TAFA4: variants seen among roughly 807,000 people sequenced by gnomAD.
The protein encoded by TAFA4 is TAFA chemokine like family member 4, also known as chemokine-like protein TAFA-4.
In TAFA4, 20 loss-of-function variants were observed where a neutral mutation model predicts 21.1. That is an observed-to-expected ratio of 0.95 (90% CI 0.67 to 1.38). The LOEUF is 1.38. Among genes scored for constraint, TAFA4 ranks in the 40% most tolerant of loss-of-function variants. The pLI, the probability that TAFA4 is intolerant of heterozygous loss-of-function variation, is 0.00. For synonymous variants in TAFA4, 71 were observed against 67.4 expected (o/e 1.05, Z -0.26); for missense variants, 211 against 180.9 (o/e 1.17, Z -0.95).
intron 3 of TAFA4, among the ~76,000 whole-genome samples, chr3:68,815,145 T>C (rs1223714100): frequency 2.6e-5 from 4 of 152,220 alleles, no homozygotes; most frequent in South Asian, 2.1e-4. Context: ...CTTCCTTACA[T>C]CTTATATAAA....
chr3:68,873,359 C>CACACACACACACACACAT (rs2089509693), intron 3 of TAFA4, among the ~76,000 whole-genome samples: 1 of 144,852 alleles, frequency 6.9e-6, no homozygotes, highest in African/African-American at 2.5e-5. Context: ...CACACACACA[C>CACACACACACACACACAT]ACACACACAC....
chr3:68,929,236 G>A (rs535822119), intron 1 of TAFA4, among the ~76,000 whole-genome samples: 1 of 152,260 alleles, frequency 6.6e-6, no homozygotes, highest in South Asian at 2.1e-4. Flanking sequence ...CGAAGTCAGG[G>A]CTGTCTAGGT....
At chr3:68,897,435 G>A (rs1257139620) in intron 1 of TAFA4, among the ~76,000 whole-genome samples, 2 of 152,022 alleles carry the variant, frequency 1.3e-5, no homozygotes, top group East Asian at 3.9e-4. Flanking sequence ...AGACCAGTCT[G>A]ACCAACATGG....
chr3:68,819,286 A>C (rs1704060802), intron 3 of TAFA4, among the ~76,000 whole-genome samples: 1 of 151,290 alleles, frequency 6.6e-6, no homozygotes, highest in Admixed American at 6.6e-5. Flanking sequence ...AAAAAAAAAA[A>C]AAAAAAAAAA....
intron 3 of TAFA4, among the ~76,000 whole-genome samples, chr3:68,759,022 G>C (rs757534350): frequency 4.6e-5 from 7 of 152,194 alleles, no homozygotes; most frequent in Non-Finnish European, 8.8e-5. Context: ...AAAGGCCTGA[G>C]AACCAGGAGA....
At chr3:68,894,388 G>A (rs924336114) in intron 1 of TAFA4, among the ~76,000 whole-genome samples, 1 of 152,112 alleles carries the variant, frequency 6.6e-6, no homozygotes, top group Admixed American at 6.5e-5. Context: ...TCGAACTCCT[G>A]GGCTCAAGCG....
In TAFA4 at chr3:68,752,293, G is replaced by A. The variant is rs555459611; in HGVS notation, c.286+570C>T. Among the ~76,000 whole-genome samples the A allele has an allele frequency of 2.0e-5, 3 of 152,170 alleles. No individual in the cohort carries two copies. In the South Asian group the frequency reaches 6.2e-4, roughly 32 times the overall value. On this transcript the variant is annotated intron_variant, in intron 4 of 5. Coordinates refer to ENST00000295569, the MANE Select transcript of TAFA4 (RefSeq NM_182522.5). ...GGGGTATCAAAAGAAATCAATCCCA[G>A]GCCTCCACCTACAACCATCAACATT...
chr3:68,796,827 C>T (rs1703461290), intron 3 of TAFA4, among the ~76,000 whole-genome samples: 2 of 152,190 alleles, frequency 1.3e-5, no homozygotes, highest in East Asian at 1.9e-4. Flanking sequence ...GGCCAAAGGA[C>T]TAGAATAGAC....
intron 1 of TAFA4, among the ~76,000 whole-genome samples, chr3:68,921,001 G>C (rs909462103): frequency 2.0e-5 from 3 of 152,078 alleles, no homozygotes; most frequent in African/African-American, 7.2e-5. Context: ...GTTGAGTGCT[G>C]GGGGGACAAA....
At chr3:68,846,748 G>A (rs1488412177) in intron 3 of TAFA4, among the ~76,000 whole-genome samples, 2 of 152,128 alleles carry the variant, frequency 1.3e-5, no homozygotes, top group African/African-American at 2.4e-5. Flanking sequence ...TGCTTTGTTT[G>A]CTAGTTTTCC....
intron 1 of TAFA4, among the ~76,000 whole-genome samples, chr3:68,922,825 G>A (rs2090071930): frequency 6.6e-6 from 1 of 152,088 alleles, no homozygotes; most frequent in African/African-American, 2.4e-5. Flanking sequence ...TTTTGTACAT[G>A]TGTACATCAG....
intron 1 of TAFA4, among the ~76,000 whole-genome samples, chr3:68,925,399 A>C (rs969408545): frequency 2.6e-5 from 4 of 152,224 alleles, no homozygotes; most frequent in African/African-American, 9.6e-5. Flanking sequence ...AAAGATTACT[A>C]TTCCAGTGAT....
At chr3:68,843,758 G>T (rs1162885978) in intron 3 of TAFA4, among the ~76,000 whole-genome samples, 1 of 152,242 alleles carries the variant, frequency 6.6e-6, no homozygotes, top group African/African-American at 2.4e-5. Context: ...GGCCTTTTCT[G>T]CATCTATTGA....
chr3:68,923,479 C>T (rs1197402054), intron 1 of TAFA4, among the ~76,000 whole-genome samples: 1 of 152,118 alleles, frequency 6.6e-6, no homozygotes, highest in Non-Finnish European at 1.5e-5. Flanking sequence ...CTCATATTGT[C>T]TCAACCCACC....
intron 1 of TAFA4, among the ~76,000 whole-genome samples, chr3:68,924,065 T>C (rs1004036959): frequency 2.0e-5 from 3 of 152,202 alleles, no homozygotes; most frequent in African/African-American, 4.8e-5. Flanking sequence ...AAAAACAGCA[T>C]GGTGGTTCCT....
At chr3:68,899,719 G>A (rs148167092) in intron 1 of TAFA4, among the ~76,000 whole-genome samples, 3 of 152,126 alleles carry the variant, frequency 2.0e-5, no homozygotes, top group South Asian at 2.1e-4. Flanking sequence ...CAACACACAA[G>A]AGATGCACCA....
intron 3 of TAFA4, among the ~76,000 whole-genome samples, chr3:68,852,034 G>A (rs1704963477): frequency 6.6e-6 from 1 of 152,174 alleles, no homozygotes; most frequent in Non-Finnish European, 1.5e-5. Flanking sequence ...GCTCCGCAGT[G>A]ATTCTGATGC....
At chr3:68,910,894 C>T (rs2089955207) in intron 1 of TAFA4, among the ~76,000 whole-genome samples, 1 of 152,202 alleles carries the variant, frequency 6.6e-6, no homozygotes, top group South Asian at 2.1e-4. Context: ...AAGGTTAACA[C>T]AATGCTTGGT....
intron 3 of TAFA4, among the ~76,000 whole-genome samples, chr3:68,780,638 T>C (rs113603128): frequency 0.021 from 3,269 of 152,318 alleles, 117 homozygotes; most frequent in African/African-American, 0.074. Flanking sequence ...ATTGTGAGGC[T>C]TCCTCAGCCA....
Sources: gnomAD v4.1 joint callset for allele counts (sites outside exome capture counted in the v4.1 genomes callset) on GRCh38, gnomAD v4.1.1 for gene constraint, MANE v1.5 for transcripts, NCBI Gene and HGNC (gene_info 2026-07-23, HGNC 2026-07-21) for gene names.